The following CSGALNACT1 variants were observed in gnomAD, a reference collection of about 807,000 sequenced individuals.
CSGALNACT1 encodes the protein chondroitin sulfate N-acetylgalactosaminyltransferase 1.
CSGALNACT1 carries 52 observed loss-of-function variants against 51.0 expected under a neutral mutation model. The ratio of observed to expected loss-of-function variants is 1.02; its 90% CI spans 0.82 to 1.29. The LOEUF (loss-of-function observed/expected upper bound fraction) is 1.29. CSGALNACT1 is among the 50% of genes most tolerant of loss of function. The pLI is 0.00. For synonymous variants in CSGALNACT1, 341 were observed against 254.4 expected, an observed-to-expected ratio of 1.34 and a Z score of -3.24; for missense variants, 935 against 679.2, an observed-to-expected ratio of 1.38 and a Z score of -4.19.
intron 1 of CSGALNACT1, among the ~76,000 whole-genome samples, chr8:19,736,694 AGCT>A (rs1392712798): frequency 1.3e-5 from 2 of 152,172 alleles, no homozygotes; most frequent in Non-Finnish European, 2.9e-5. Flanking sequence ...CAGAAAATAG[AGCT>A]GAAAAAATTA....
At chr8:19,439,285 TCAA>T (rs1328490614) in intron 6 of CSGALNACT1, among the ~76,000 whole-genome samples, 1 of 152,242 alleles carries the variant, frequency 6.6e-6, no homozygotes, top group East Asian at 1.9e-4. Flanking sequence ...TAATTTGTAC[TCAA>T]CTGAGTAAGT....
At chr8:19,404,618 ATATATT>A (rs1206931112) in exon 10 of CSGALNACT1, 1 of 440,394 alleles carries the variant, frequency 2.3e-6, no homozygotes, top group Non-Finnish European at 4.5e-6. Context: ...ATATATATAT[ATATATT>A]TTTTTCTCCA....
chr8:19,673,142 T>C (rs1309746220), intron 1 of CSGALNACT1, among the ~76,000 whole-genome samples: 2 of 152,332 alleles, frequency 1.3e-5, no homozygotes, highest in East Asian at 3.9e-4. Flanking sequence ...GTGACCATTG[T>C]CCTTTCTGAG....
In CSGALNACT1 at chr8:19,747,037, C is replaced by T. The variant is rs1019869563; in HGVS notation, c.-297+10813G>A. ...GGCCAGCTCCACAAGCCAAAGAAGCCCCTCCTCATGCTTTCAAGCAACCAG... is the reference window on the plus strand; with the variant it reads ...GGCCAGCTCCACAAGCCAAAGAAGCTCCTCCTCATGCTTTCAAGCAACCAG... On this transcript the variant is annotated intron_variant, in intron 1 of 1. Transcript: ENST00000517494. Among the ~76,000 whole-genome samples the T allele has an allele frequency of 1.8e-4, 27 of 152,156 alleles. 1 individual carries two copies. Among genetic ancestry groups the T allele is most frequent in the African/African-American group, 6.3e-4 (26 of 41,430 alleles).
At chr8:19,482,883 C>T (rs1461810632) in intron 4 of CSGALNACT1, among the ~76,000 whole-genome samples, 1 of 152,120 alleles carries the variant, frequency 6.6e-6, no homozygotes, top group Admixed American at 6.5e-5. Flanking sequence ...CTCAAAGTCA[C>T]CCCTACAACT....
At chr8:19,697,744 G>A (rs893609528) in intron 1 of CSGALNACT1, among the ~76,000 whole-genome samples, 3 of 152,152 alleles carry the variant, frequency 2.0e-5, no homozygotes, top group South Asian at 4.1e-4. Flanking sequence ...ACTTGAAGGA[G>A]CTCAAGAGGC....
chr8:19,682,491 A>G (rs2060692532), exon 1 of CSGALNACT1: 4 of 354,000 alleles, frequency 1.1e-5, no homozygotes, highest in African/African-American at 2.1e-5. Context: ...GAGATCAAAA[A>G]GATGACACCT....
At chr8:19,453,870 C>A (rs1329932982) in intron 5 of CSGALNACT1, among the ~76,000 whole-genome samples, 1 of 151,956 alleles carries the variant, frequency 6.6e-6, no homozygotes, top group Non-Finnish European at 1.5e-5. Context: ...CAAGAATGTG[C>A]CACTGCACTC....
chr8:19,508,791 T>A (rs749252750), intron 3 of CSGALNACT1, among the ~76,000 whole-genome samples: 2 of 152,242 alleles, frequency 1.3e-5, no homozygotes, highest in Admixed American at 1.3e-4. Context: ...AATAAAATGG[T>A]TGTATTTGCA....
intron 3 of CSGALNACT1, among the ~76,000 whole-genome samples, chr8:19,563,732 C>T (rs1414467054): frequency 6.6e-6 from 1 of 152,164 alleles, no homozygotes; most frequent in East Asian, 1.9e-4. Flanking sequence ...TCAAAGTCAG[C>T]GGATCCAGCC....
intron 4 of CSGALNACT1, among the ~76,000 whole-genome samples, chr8:19,467,753 G>A (rs532598249): frequency 6.6e-6 from 1 of 152,300 alleles, no homozygotes; most frequent in Non-Finnish European, 1.5e-5. Flanking sequence ...GGGAGGCCAA[G>A]GCAGGTGGAT....
intron 1 of CSGALNACT1, among the ~76,000 whole-genome samples, chr8:19,670,519 A>G (rs1297028832): frequency 6.6e-6 from 1 of 150,792 alleles, no homozygotes; most frequent in Admixed American, 6.6e-5. Context: ...CACTGCCCCT[A>G]TATTATTCTT....
chr8:19,542,024 A>G (rs1446146717), intron 3 of CSGALNACT1, among the ~76,000 whole-genome samples: 1 of 152,222 alleles, frequency 6.6e-6, no homozygotes, highest in Non-Finnish European at 1.5e-5. Flanking sequence ...AAACTTTGGC[A>G]TGGATAGATC....
At chr8:19,476,585 T>C (rs1289113524) in intron 4 of CSGALNACT1, among the ~76,000 whole-genome samples, 1 of 152,056 alleles carries the variant, frequency 6.6e-6, no homozygotes, top group Non-Finnish European at 1.5e-5. Context: ...CCCAAATTCT[T>C]TGGCAATGTC....
At chr8:19,714,263 T>C (rs1226463741) in intron 1 of CSGALNACT1, among the ~76,000 whole-genome samples, 1 of 152,228 alleles carries the variant, frequency 6.6e-6, no homozygotes, top group Non-Finnish European at 1.5e-5. Context: ...TTAGCTTCCT[T>C]TCCTCTGGCT....
chr8:19,539,734 C>T (rs1212913242), intron 3 of CSGALNACT1, among the ~76,000 whole-genome samples: 1 of 152,136 alleles, frequency 6.6e-6, no homozygotes, highest in Non-Finnish European at 1.5e-5. Flanking sequence ...AAAATGGAAA[C>T]AAGTGACACT....
rs139919905 is a variant in CSGALNACT1 at position 19,444,442 on chromosome 8, G to A, written c.852-4511C>T. Among the ~76,000 whole-genome samples, 176 of 152,288 alleles carry A rather than the reference G, an allele frequency of 1.2e-3. 1 individual carries two copies. The highest frequency in any genetic ancestry group is 3.9e-3 in the African/African-American group (160 of 41,538). On this transcript the variant is annotated intron_variant, in intron 5 of 9. Coordinates refer to ENST00000454498, the Ensembl canonical transcript of CSGALNACT1. ...TGGATACAGTGGGCCAACTGCATAC[G>A]TGTATGTGTGTAATTTTAACCTGAG...
At chr8:19,539,133 T>C (rs767064054) in intron 3 of CSGALNACT1, among the ~76,000 whole-genome samples, 7 of 152,206 alleles carry the variant, frequency 4.6e-5, no homozygotes, top group Non-Finnish European at 1.0e-4. Flanking sequence ...CCAAGTGAAA[T>C]GATTACTATA....
chr8:19,654,755 G>T (rs923738395), intron 1 of CSGALNACT1, among the ~76,000 whole-genome samples: 2 of 151,850 alleles, frequency 1.3e-5, no homozygotes. Flanking sequence ...ATGTTGCCCC[G>T]GCTAGTCTTG....
Sources: allele counts gnomAD v4.1 joint callset (sites outside exome capture counted in the v4.1 genomes callset), GRCh38; gene constraint gnomAD v4.1.1; transcripts MANE v1.5; gene names NCBI Gene and HGNC (gene_info 2026-07-23, HGNC 2026-07-21).